CUBN: variants seen among roughly 807,000 people sequenced by gnomAD.
CUBN encodes 460 kDa receptor.
Under a neutral mutation model 405.3 loss-of-function variants are expected in CUBN, and 282 were observed. The observed-to-expected ratio is 0.70, with a 90% CI of 0.63 to 0.77. CUBN has a LOEUF of 0.77. Ranked by LOEUF, CUBN falls within the 30% of genes least tolerant of loss-of-function variation. The pLI is 0.00. For synonymous variants in CUBN, 1,684 were observed against 1,617.0 expected, an observed-to-expected ratio of 1.04 and a Z score of -0.99; for missense variants, 4,514 against 4,475.2, an observed-to-expected ratio of 1.01 and a Z score of -0.25.
At chr10:16,976,686 T>C (rs1414567202) in intron 31 of CUBN, among the ~76,000 whole-genome samples, 1 of 152,150 alleles carries the variant, frequency 6.6e-6, no homozygotes, top group Non-Finnish European at 1.5e-5. Context: ...TAAGTGTGTG[T>C]TATATATTTT....
chr10:17,106,916 G>T (rs1588646472), intron 10 of CUBN, among the ~76,000 whole-genome samples: 1 of 152,178 alleles, frequency 6.6e-6, no homozygotes, highest in East Asian at 1.9e-4. Flanking sequence ...ACCACAGATT[G>T]AAGATAATAT....
chr10:16,869,561 G>A (rs536223660), intron 59 of CUBN, 75 bp downstream of exon 59: 6 of 984,102 alleles, frequency 6.1e-6, no homozygotes, highest in Admixed American at 1.8e-5. Context: ...TGGGGGTGGG[G>A]GGGGGGCGGG....
intron 9 of CUBN, among the ~76,000 whole-genome samples, chr10:17,110,192 C>G (rs1836737371): frequency 6.6e-6 from 1 of 152,170 alleles, no homozygotes; most frequent in Non-Finnish European, 1.5e-5. Flanking sequence ...GAAAAGACTT[C>G]TTTCCAGAAA....
intron 65 of CUBN, among the ~76,000 whole-genome samples, chr10:16,830,651 A>G (rs1054895929): frequency 1.7e-4 from 26 of 152,350 alleles, no homozygotes; most frequent in Middle Eastern, 3.4e-3. Flanking sequence ...AAATTCTCAA[A>G]GAACTTCCTT....
At chr10:17,008,906 G>C (rs1156954091) in intron 28 of CUBN, among the ~76,000 whole-genome samples, 1 of 152,168 alleles carries the variant, frequency 6.6e-6, no homozygotes, top group Non-Finnish European at 1.5e-5. Flanking sequence ...GACATCCTTA[G>C]TGTCTGTGGA....
intron 48 of CUBN, among the ~76,000 whole-genome samples, chr10:16,910,744 A>T (rs937786476): frequency 9.9e-5 from 15 of 151,444 alleles, no homozygotes; most frequent in Admixed American, 2.0e-4. Context: ...ACAAAACTTC[A>T]AAATTATTAT....
intron 9 of CUBN, 79 bp from the exon 10 acceptor site, chr10:17,109,814 C>A: frequency 9.0e-7 from 1 of 1,108,018 alleles, no homozygotes; most frequent in Non-Finnish European, 1.4e-6. Flanking sequence ...ATTCAAATAT[C>A]ATGAAATGGA....
At chr10:16,892,545 G>A (rs998220611) in intron 54 of CUBN, among the ~76,000 whole-genome samples, 4 of 152,010 alleles carry the variant, frequency 2.6e-5, no homozygotes, top group African/African-American at 4.8e-5. Flanking sequence ...AGGCTGGAGC[G>A]CAGTGGCACA....
chr10:16,830,053 A>G lies in CUBN; in HGVS notation c.10529-1013T>C, dbSNP rs531803152. ...CAAGTTCAAGTGATTCTCCAGTCTC[A>G]GCCTCCCGAGTAGCTGGGATTACAG... On this transcript the variant is annotated intron_variant, in intron 65 of 66. Transcript: ENST00000377833. Among the ~76,000 whole-genome samples the G allele has an allele frequency of 1.5e-4, 23 of 151,910 alleles. No individual in the cohort carries two copies. In the East Asian group the frequency reaches 2.5e-3, roughly 17 times the overall value.
At chr10:16,980,534 C>A in intron 31 of CUBN, among the ~76,000 whole-genome samples, 1 of 152,164 alleles carries the variant, frequency 6.6e-6, no homozygotes, top group East Asian at 1.9e-4. Flanking sequence ...AGTTCATGTA[C>A]TTTGAAGGGA....
intron 56 of CUBN, among the ~76,000 whole-genome samples, chr10:16,885,191 A>G (rs2131390851): frequency 6.6e-6 from 1 of 152,354 alleles, no homozygotes; most frequent in South Asian, 2.1e-4. Flanking sequence ...ATTATAAAAT[A>G]AATTTGATTA....
intron 40 of CUBN, among the ~76,000 whole-genome samples, chr10:16,930,962 A>T (rs1307123255): frequency 6.6e-6 from 1 of 152,166 alleles, no homozygotes; most frequent in Non-Finnish European, 1.5e-5. Flanking sequence ...GTGGGATTTA[A>T]AATTTAGTCA....
Position 16,869,858 on chromosome 10 carries a change from G to A in CUBN, c.9237-5C>T. The A allele has an allele frequency of 6.3e-7, 1 of 1,586,136 alleles. No homozygotes were observed. The highest frequency in any genetic ancestry group is 8.7e-7 in the Non-Finnish European group (1 of 1,154,570). On this transcript the variant is annotated splice_polypyrimidine_tract_variant and splice_region_variant and intron_variant, in intron 58 of 66. Coordinates refer to ENST00000377833, the MANE Select transcript of CUBN (RefSeq NM_001081.4). ...ACCACATCAAAATCACTGAACCTGTGAAATGTACCTTGTTAATACTGATGT... is the reference window on the plus strand; with the variant it reads ...ACCACATCAAAATCACTGAACCTGTAAAATGTACCTTGTTAATACTGATGT...
At position 16,933,276 on chromosome 10, in the gene CUBN, C is replaced by A; in HGVS notation, c.5935G>T (p.Gly1979Cys). The A allele has an allele frequency of 6.2e-7, 1 of 1,613,500 alleles. No homozygotes were observed. ...GCATCTCCCGTCCTCAGGAAGCCAC[C>A]ACAAGCACCTGTAGAATAGAAAGCA... ...VLPTIAPGACGGFLRTGDAPV... is the reference protein window; with the variant it reads ...VLPTIAPGACCGFLRTGDAPV... Residue 1979 changes from glycine to cysteine, a missense_variant, in exon 40 of 67, where the codon GGT becomes TGT. Physicochemically the swap from Gly to Cys is radical, Grantham distance 159. Around this residue, in one of 5 missense-constraint regions of CUBN, gnomAD observed 1,613 missense variants for 1,542.8 expected, o/e 1.05. Transcript: ENST00000377833.
intron 56 of CUBN, among the ~76,000 whole-genome samples, chr10:16,886,730 G>T (rs1392147200): frequency 1.3e-5 from 2 of 152,224 alleles, no homozygotes; most frequent in Non-Finnish European, 2.9e-5. Flanking sequence ...GAAGATGACC[G>T]AGATGGAGCA....
intron 10 of CUBN, among the ~76,000 whole-genome samples, chr10:17,106,314 A>G (rs115378436): frequency 0.025 from 3,692 of 150,140 alleles, 152 homozygotes; most frequent in African/African-American, 0.083. Flanking sequence ...TATAATAATA[A>G]TAATACTAAT....
At chr10:16,949,817 G>T (rs1383773457) in intron 34 of CUBN, among the ~76,000 whole-genome samples, 184 bp downstream of exon 34, 1 of 151,994 alleles carries the variant, frequency 6.6e-6, no homozygotes, top group Non-Finnish European at 1.5e-5. Context: ...TAATAAACAG[G>T]CTGAGTTCCC....
chr10:16,895,188 T>C (rs764523944), intron 54 of CUBN, among the ~76,000 whole-genome samples: 5 of 152,216 alleles, frequency 3.3e-5, no homozygotes, highest in Non-Finnish European at 5.9e-5. Context: ...TTTAATATAC[T>C]CAAAGAACAC....
intron 27 of CUBN, among the ~76,000 whole-genome samples, chr10:17,023,060 T>C (rs1416011890): frequency 6.6e-6 from 1 of 152,220 alleles, no homozygotes; most frequent in Admixed American, 6.5e-5. Flanking sequence ...CTCTGCAAGA[T>C]TAAGAAATGT....
Sources: gnomAD v4.1 joint callset for allele counts (sites outside exome capture counted in the v4.1 genomes callset) on GRCh38, gnomAD v4.1.1 for gene constraint, gnomAD v4.1.1 regional missense constraint, MANE v1.5 for transcripts, NCBI Gene and HGNC (gene_info 2026-07-23, HGNC 2026-07-21) for gene names.